Variants in ACCSL observed in about 807,000 individuals in gnomAD.
The protein encoded by ACCSL is 1-aminocyclopropane-1-carboxylate synthase homolog (inactive) like, also known as probable inactive 1-aminocyclopropane-1-carboxylate synthase-like protein 2.
ACCSL carries 55 observed loss-of-function variants against 61.7 expected under a neutral mutation model. That is an observed-to-expected ratio of 0.89 (90% CI 0.72 to 1.12). The LOEUF is 1.12. Among genes scored for constraint, ACCSL ranks in the 50% most tolerant of loss-of-function variants. The pLI, the probability that ACCSL is intolerant of heterozygous loss-of-function variation, is 0.00. For synonymous variants in ACCSL, 258 were observed against 264.3 expected, an observed-to-expected ratio of 0.98 and a Z score of 0.23; for missense variants, 632 against 698.0, an observed-to-expected ratio of 0.91 and a Z score of 1.07.
the ACCSL span, among the ~76,000 whole-genome samples, chr11:43,938,992 G>A: frequency 1.3e-5 from 2 of 152,142 alleles, no homozygotes; most frequent in African/African-American, 2.4e-5. Context: ...CCTGCTCCTT[G>A]GACAAAACCA....
At chr11:43,963,004 G>A in the ACCSL span, among the ~76,000 whole-genome samples, 1 of 152,120 alleles carries the variant, frequency 6.6e-6, no homozygotes, top group East Asian at 1.9e-4. Context: ...CTTCTGATCG[G>A]GGGTATCTAT....
chr11:43,951,341 A>G, the ACCSL span, among the ~76,000 whole-genome samples: 1 of 152,284 alleles, frequency 6.6e-6, no homozygotes, highest in South Asian at 2.1e-4. Context: ...CCAGCCCTGG[A>G]GCCAGGCTAG....
At chr11:44,006,637 C>G in the ACCSL span, among the ~76,000 whole-genome samples, 1 of 151,354 alleles carries the variant, frequency 6.6e-6, no homozygotes, top group East Asian at 2.0e-4. Context: ...TCCTGAGTAG[C>G]TGGGATTAGA....
the ACCSL span, among the ~76,000 whole-genome samples, chr11:43,979,247 G>A: frequency 6.6e-6 from 1 of 152,284 alleles, no homozygotes; most frequent in Non-Finnish European, 1.5e-5. Context: ...CAGAAGGACT[G>A]CTTGAGCCCA....
At chr11:43,951,628 C>T in the ACCSL span, among the ~76,000 whole-genome samples, 1 of 152,192 alleles carries the variant, frequency 6.6e-6, no homozygotes, top group East Asian at 1.9e-4. Flanking sequence ...CCCAAAGCAA[C>T]CCCCAAAGAG....
At chr11:43,948,580 C>T in the ACCSL span, among the ~76,000 whole-genome samples, 2 of 152,140 alleles carry the variant, frequency 1.3e-5, no homozygotes, top group Non-Finnish European at 2.9e-5. Context: ...CTCAAGTGAT[C>T]CTCCCACTTC....
the ACCSL span, among the ~76,000 whole-genome samples, chr11:44,014,938 G>A: frequency 6.6e-6 from 1 of 152,094 alleles, no homozygotes; most frequent in African/African-American, 2.4e-5. Flanking sequence ...CTCAACCCAG[G>A]GCCAGTGGCG....
chr11:44,038,621 A>T, the ACCSL span, among the ~76,000 whole-genome samples: 1 of 152,114 alleles, frequency 6.6e-6, no homozygotes, highest in African/African-American at 2.4e-5. Context: ...GTTAGAGGGT[A>T]GAGTGAGGGG....
intron 1 of ACCSL, 108 bp downstream of exon 1, chr11:44,048,648 A>C (rs978132695): frequency 9.1e-7 from 1 of 1,103,836 alleles, no homozygotes; most frequent in Non-Finnish European, 1.3e-6. Context: ...TTATAGCCTT[A>C]TGAAACGGGC....
chr11:44,052,552 T>C (rs1952645723), intron 5 of ACCSL, 110 bp from the exon 6 acceptor site: 2 of 852,780 alleles, frequency 2.3e-6, no homozygotes, highest in African/African-American at 1.7e-5. Context: ...GTAGAAAGGA[T>C]CGTGAAACTG....
chr11:44,016,456 G>T, the ACCSL span, among the ~76,000 whole-genome samples: 1 of 152,282 alleles, frequency 6.6e-6, no homozygotes, highest in South Asian at 2.1e-4. Context: ...ACTACAACAG[G>T]ATTGGAAAGG....
chr11:44,031,361 A>C, the ACCSL span, among the ~76,000 whole-genome samples: 185 of 152,204 alleles, frequency 1.2e-3, 2 homozygotes, highest in Non-Finnish European at 2.2e-3. Context: ...TTGTCTTTGA[A>C]GTTTTCCTTT....
At chr11:44,050,493 A>G in intron 2 of ACCSL, 59 bp from the exon 3 acceptor site, 1 of 1,476,612 alleles carries the variant, frequency 6.8e-7, no homozygotes, top group Non-Finnish European at 9.4e-7. Flanking sequence ...AACTAGGAGT[A>G]GAATGAGGCC....
At position 44,054,092 on chromosome 11, in the gene ACCSL, A is replaced by C. The variant is rs190946785; in HGVS notation, c.1049+586A>C. 2.6e-5 allele frequency among the ~76,000 whole-genome samples: 4 copies of C among 152,336 alleles called. No homozygotes were observed. In the East Asian group the frequency reaches 7.7e-4, roughly 29 times the overall value. ...AAAATATATAATTTGTTACTTCTCT[A>C]CTTAAGCTTAAGTACTTTCTCCCAG... On this transcript the variant is annotated intron_variant, in intron 8 of 13. Coordinates refer to ENST00000378832, the MANE Select transcript of ACCSL (RefSeq NM_001031854.2).
At chr11:43,926,990 G>A in the ACCSL span, among the ~76,000 whole-genome samples, 4 of 152,304 alleles carry the variant, frequency 2.6e-5, no homozygotes, top group East Asian at 1.9e-4. Context: ...CAAGCGATCC[G>A]CCCCCCATCG....
At chr11:44,033,962 G>A in the ACCSL span, among the ~76,000 whole-genome samples, 3 of 149,948 alleles carry the variant, frequency 2.0e-5, no homozygotes, top group Non-Finnish European at 1.5e-5. Context: ...GAAGACATTG[G>A]CAGAAGGGAT....
chr11:44,027,948 T>C, the ACCSL span, among the ~76,000 whole-genome samples: 7 of 152,192 alleles, frequency 4.6e-5, no homozygotes, highest in African/African-American at 1.7e-4. Context: ...GAGGATTACT[T>C]GAGGCCAGGA....
At chr11:43,932,392 C>G in the ACCSL span, among the ~76,000 whole-genome samples, 1 of 152,190 alleles carries the variant, frequency 6.6e-6, no homozygotes, top group African/African-American at 2.4e-5. Context: ...CCTAGCCCCC[C>G]GAGCAGCTGG....
chr11:43,973,019 A>G, the ACCSL span, among the ~76,000 whole-genome samples: 2 of 152,208 alleles, frequency 1.3e-5, no homozygotes, highest in African/African-American at 2.4e-5. Flanking sequence ...AGAAAGAATC[A>G]CTGAGAGAGC....
Sources: allele counts gnomAD v4.1 joint callset (sites outside exome capture counted in the v4.1 genomes callset), GRCh38; gene constraint gnomAD v4.1.1; transcripts MANE v1.5; gene names NCBI Gene and HGNC (gene_info 2026-07-23, HGNC 2026-07-21).